The following TTYH2 variants were observed in gnomAD, a reference collection of about 807,000 sequenced individuals.
TTYH2 encodes the protein protein tweety homolog 2.
In TTYH2, 49 loss-of-function variants were observed where a neutral mutation model predicts 68.3. The ratio of observed to expected loss-of-function variants is 0.72; its 90% CI spans 0.57 to 0.91. The LOEUF is 0.91. Ranked by LOEUF, TTYH2 falls within the 40% of genes least tolerant of loss-of-function variation. The probability of loss-of-function intolerance (pLI) is 0.00; values close to 1 mark genes in which losing one functional copy is unlikely to be tolerated. For synonymous variants in TTYH2, 272 were observed against 300.8 expected (o/e 0.90, Z 0.99); for missense variants, 631 against 700.4 (o/e 0.90, Z 1.12).
chr17:74,220,065 C>T (rs1567809440), intron 1 of TTYH2, among the ~76,000 whole-genome samples: 1 of 151,318 alleles, frequency 6.6e-6, no homozygotes, highest in African/African-American at 2.4e-5. Context: ...AGGCTAGACT[C>T]AAACTCCTGG....
chr17:74,244,178 G>A, intron 6 of TTYH2, 129 bp downstream of exon 6: 1 of 884,750 alleles, frequency 1.1e-6, no homozygotes, highest in East Asian at 2.6e-5. Flanking sequence ...GAACCAAAGG[G>A]ACTTGCGTCA....
In TTYH2 at chr17:74,226,511, C is replaced by T. The variant is rs186946820; in HGVS notation, c.302+3854C>T. On this transcript the variant is annotated intron_variant, in intron 2 of 13. Transcript: ENST00000269346. ...TCATTGGTCGCCTTCCTTGGAGCTG[C>T]GTCCACTGGGACACAGGAACAGCCA... 2.8e-3 allele frequency among the ~76,000 whole-genome samples: 424 copies of T among 152,198 alleles called. 2 individuals are homozygous for T. The highest frequency in any genetic ancestry group is 0.01 in the Middle Eastern group (3 of 292).
intron 2 of TTYH2, among the ~76,000 whole-genome samples, chr17:74,225,984 AAG>A (rs2050325962): frequency 6.6e-6 from 1 of 152,200 alleles, no homozygotes; most frequent in Non-Finnish European, 1.5e-5. Context: ...TGCCCAGAGG[AAG>A]AGTCAGCTAG....
chr17:74,235,907 AAAAAC>A (rs1567815158), intron 3 of TTYH2, among the ~76,000 whole-genome samples: 3 of 152,002 alleles, frequency 2.0e-5, no homozygotes, highest in Non-Finnish European at 1.5e-5. Flanking sequence ...AAAAAAAAAA[AAAAAC>A]AAAAAAGAGA....
chr17:74,250,464 C>A lies in TTYH2; in HGVS notation c.1116+107C>A, dbSNP rs541457097. ...CGAGGGGAGCGATGGCCTGGGTCCC[C>A]TTCCGGCCCAGGAATGGAACTGAAG... is the stretch of plus-strand genomic sequence containing the variant. On this transcript the variant is annotated intron_variant, in intron 10 of 13. Coordinates refer to ENST00000269346, the MANE Select transcript of TTYH2 (RefSeq NM_032646.6). The A allele has an allele frequency of 1.4e-4, 128 of 920,734 alleles. 3 individuals are homozygous for A. The South Asian group carries it at 2.0e-3, about 14-fold the overall frequency. 57.0% of individuals were successfully genotyped at this position (920,734 alleles called of 1,614,324 possible). A position where few individuals can be genotyped will look rare whatever the true frequency, so the allele number is the denominator to read the frequency against.
chr17:74,237,448 T>C lies in TTYH2; in HGVS notation c.569T>C (p.Val190Ala). The C allele has an allele frequency of 6.2e-7, 1 of 1,613,958 alleles. No individual in the cohort carries two copies. The highest frequency in any genetic ancestry group is 8.5e-7 in the Non-Finnish European group (1 of 1,179,988). The change falls in exon 4 of 14, where the codon GTG becomes GCG. Residue 190 changes from valine (V) to alanine (A), a missense_variant. Transcript: ENST00000269346. ...GTTGTTCAGCTCTCAGGACTGCCCGTGTGGAGGGAGGTCACCATGGAGCTG... is the reference window on the plus strand; with the variant it reads ...GTTGTTCAGCTCTCAGGACTGCCCGCGTGGAGGGAGGTCACCATGGAGCTG... The part of the protein sequence containing the change: ...SVVVQLSGLP[V>A]WREVTMELTK...
intron 1 of TTYH2, among the ~76,000 whole-genome samples, chr17:74,221,935 G>A (rs2143719059): frequency 6.6e-6 from 1 of 152,324 alleles, no homozygotes; most frequent in Non-Finnish European, 1.5e-5. Context: ...TTCTGGTAGA[G>A]GATGATGCCC....
intron 9 of TTYH2, 45 bp from the exon 10 acceptor site, chr17:74,250,220 C>A: frequency 6.4e-7 from 1 of 1,565,032 alleles, no homozygotes; most frequent in Non-Finnish European, 8.7e-7. Flanking sequence ...TCCGCCAGCT[C>A]TCCTCCACAG....
chr17:74,246,133 G>C, intron 6 of TTYH2, among the ~76,000 whole-genome samples: 1 of 152,216 alleles, frequency 6.6e-6, no homozygotes, highest in East Asian at 1.9e-4. Flanking sequence ...GGGTTCAGCT[G>C]TGAGGGAGGA....
rs538392098 is a variant in TTYH2, at chr17:74,214,314, A to G, written c.129+598A>G. Among the ~76,000 whole-genome samples the G allele has an allele frequency of 7.9e-5, 12 of 152,124 alleles. No homozygotes were observed. Among genetic ancestry groups the G allele is most frequent in the Non-Finnish European group, 1.6e-4 (11 of 67,998 alleles). On this transcript the variant is annotated intron_variant, in intron 1 of 13. Coordinates refer to ENST00000269346, the MANE Select transcript of TTYH2 (RefSeq NM_032646.6). This position sits in a 1 kb window ranked among gnomAD's most constrained non-coding sequence, Gnocchi z 4.6. The stretch of plus-strand genomic sequence containing the variant: ...GTGGGTCACTTCCCCTCTAGCGCAG[A>G]GAACCCACAGCTGCTTGCGCTTGTT...
At chr17:74,248,001 TGCACG>T (rs1167057667) in intron 6 of TTYH2, 1 of 152,252 alleles carries the variant, frequency 6.6e-6, no homozygotes, top group Non-Finnish European at 1.5e-5. Flanking sequence ...GCTAGAACCC[TGCACG>T]GCACTGAGTA....
rs2050193566 is a variant in TTYH2, at chr17:74,213,687, T to C, written c.100T>C (p.Phe34Leu). Residue 34 changes from phenylalanine (F) to leucine (L), a missense_variant, in exon 1 of 14, where the codon TTC becomes CTC. By Grantham distance (22) the Phe-to-Leu change is conservative (BLOSUM62 0). Transcript: ENST00000269346. This position sits in a 1 kb window ranked among gnomAD's most constrained non-coding sequence, Gnocchi z 6.1. ...GLRLQPVNST[F>L]SPGDESYQES... is the part of the protein sequence containing the mutation. ...GCGCCTGCAGCCCGTGAACAGCACCTTCAGCCCCGGCGACGAGAGTTACCA... is the reference window on the plus strand; with the variant it reads ...GCGCCTGCAGCCCGTGAACAGCACCCTCAGCCCCGGCGACGAGAGTTACCA... 2 of 1,612,302 alleles carry C rather than the reference T, an allele frequency of 1.2e-6. No individual in the cohort carries two copies. Among genetic ancestry groups the C allele is most frequent in the Admixed American group, 1.7e-5 (1 of 59,930 alleles).
intron 13 of TTYH2, among the ~76,000 whole-genome samples, chr17:74,255,140 C>T (rs772095711): frequency 1.3e-5 from 2 of 152,240 alleles, no homozygotes; most frequent in African/African-American, 2.4e-5. Flanking sequence ...GTGAAGTGAC[C>T]GCCAAGGTTC....
rs1277068751 is a variant in TTYH2, at chr17:74,217,365, C to A, written c.129+3649C>A. Among the ~76,000 whole-genome samples the A allele has an allele frequency of 6.6e-6, 1 of 152,164 alleles. No individual in the cohort carries two copies. The highest frequency in any genetic ancestry group is 1.5e-5 in the Non-Finnish European group (1 of 68,020). On this transcript the variant is annotated intron_variant, in intron 1 of 13. Transcript: ENST00000269346. The surrounding 1 kb of genome is among the most constrained non-coding windows in gnomAD (Gnocchi z 4.0). ...AGGCATGTATTTCCACGTGTTCTCT[C>A]ATTGGTTGGTTCCGTTCATAGATTC... is the stretch of plus-strand genomic sequence containing the variant.
intron 10 of TTYH2, among the ~76,000 whole-genome samples, chr17:74,251,399 C>T (rs540697224): frequency 1.3e-5 from 2 of 151,336 alleles, no homozygotes; most frequent in South Asian, 2.1e-4. Flanking sequence ...GGTGTGTGTG[C>T]GTGTATTTAT....
chr17:74,259,672 T>G (rs1598238068), intron 13 of TTYH2, among the ~76,000 whole-genome samples: 1 of 152,260 alleles, frequency 6.6e-6, no homozygotes, highest in East Asian at 1.9e-4. Flanking sequence ...ATTTCGCCCT[T>G]TCAACGTAAG....
chr17:74,218,164 G>A (rs1391669966), intron 1 of TTYH2, among the ~76,000 whole-genome samples: 2 of 146,702 alleles, frequency 1.4e-5, no homozygotes, highest in Non-Finnish European at 3.0e-5. Context: ...CTGGAAGAGG[G>A]TGCTGCTGGT....
In TTYH2 at chr17:74,260,194, T is replaced by C; in HGVS notation, c.1590T>C (p.Asn530=). 1 of 1,613,942 alleles carries C rather than the reference T, an allele frequency of 6.2e-7. No homozygotes were observed. The highest frequency in any genetic ancestry group is 1.1e-5 in the South Asian group (1 of 91,080). The change falls in exon 14 of 14, where the codon AAT becomes AAC. Residue 530 remains asparagine (N), a synonymous_variant. Transcript: ENST00000269346. The part of the protein sequence containing the change: ...VADEHLRHYG[N]QFPA ...ATGAGCACCTGAGGCACTACGGGAA[T>C]CAGTTTCCAGCCTAACAGACTTTCG...
At position 74,252,229 on chromosome 17, in the gene TTYH2, T is replaced by C; in HGVS notation, c.1117-5T>C. 1 of 1,612,208 alleles carries C rather than the reference T, an allele frequency of 6.2e-7. No individual in the cohort carries two copies. The highest frequency in any genetic ancestry group is 1.1e-5 in the South Asian group (1 of 91,072). The stretch of plus-strand genomic sequence containing the variant: ...ACTAGCTGCATGTCCCTCCTCTTCC[T>C]CCAGGATTATCTGGACGCTCTTGCT... On this transcript the variant is annotated splice_polypyrimidine_tract_variant and splice_region_variant and intron_variant, in intron 10 of 13. Coordinates refer to ENST00000269346, the MANE Select transcript of TTYH2 (RefSeq NM_032646.6).
Sources: allele counts gnomAD v4.1 joint callset (sites outside exome capture counted in the v4.1 genomes callset), GRCh38; gene constraint gnomAD v4.1.1; non-coding constraint Gnocchi (gnomAD v3.1); transcripts MANE v1.5; gene names NCBI Gene and HGNC (gene_info 2026-07-23, HGNC 2026-07-21).